Variants in QTMAN observed in about 807,000 individuals in gnomAD.
QTMAN encodes queuosine-tRNA mannosyltransferase.
chr2:144,152,229 A>C, the QTMAN span, among the ~76,000 whole-genome samples: 2 of 152,210 alleles, frequency 1.3e-5, no homozygotes, highest in Admixed American at 6.5e-5. Flanking sequence ...GAAGGTAGGG[A>C]ATCAAAGACT....
chr2:144,064,723 A>G, the QTMAN span, among the ~76,000 whole-genome samples: 6 of 152,246 alleles, frequency 3.9e-5, no homozygotes, highest in South Asian at 1.2e-3. Context: ...AAACAAAGTC[A>G]TATCATTTGA....
chr2:143,939,945 T>C, the QTMAN span: 5 of 152,376 alleles, frequency 3.3e-5, no homozygotes, highest in East Asian at 7.7e-4. Flanking sequence ...TTTCTCTTTC[T>C]TTCTGCTGTG....
chr2:144,168,836 T>C, the QTMAN span, among the ~76,000 whole-genome samples: 3 of 152,086 alleles, frequency 2.0e-5, no homozygotes, highest in African/African-American at 7.2e-5. Flanking sequence ...TTAACTCACA[T>C]GTGAAAGGAA....
chr2:144,192,314 C>T, the QTMAN span, among the ~76,000 whole-genome samples: 1 of 151,942 alleles, frequency 6.6e-6, no homozygotes, highest in Non-Finnish European at 1.5e-5. Context: ...GTCATGTTGG[C>T]CAGGCTGGTT....
At chr2:144,085,276 A>C in the QTMAN span, among the ~76,000 whole-genome samples, 1 of 152,194 alleles carries the variant, frequency 6.6e-6, no homozygotes, top group Non-Finnish European at 1.5e-5. Flanking sequence ...AGTTTTCCGA[A>C]CTCTGTCCTA....
the QTMAN span, among the ~76,000 whole-genome samples, chr2:144,320,246 T>C: frequency 6.6e-6 from 1 of 152,022 alleles, no homozygotes; most frequent in Non-Finnish European, 1.5e-5. Context: ...TGCAACAGAG[T>C]CCATAGGGTC....
chr2:144,059,077 TGC>T, the QTMAN span, among the ~76,000 whole-genome samples: 1 of 152,234 alleles, frequency 6.6e-6, no homozygotes, highest in South Asian at 2.1e-4. Context: ...GCCTCTTTAG[TGC>T]AGCAAGCATA....
the QTMAN span, among the ~76,000 whole-genome samples, chr2:143,960,748 T>A: frequency 6.6e-6 from 1 of 152,158 alleles, no homozygotes; most frequent in African/African-American, 2.4e-5. Flanking sequence ...GAATAAAAAG[T>A]GTTTTCAATA....
At chr2:144,092,236 C>A in the QTMAN span, among the ~76,000 whole-genome samples, 1 of 151,162 alleles carries the variant, frequency 6.6e-6, no homozygotes, top group African/African-American at 2.4e-5. Context: ...AGTGCAGTGG[C>A]ATGATCTCGG....
chr2:144,285,047 G>A, the QTMAN span, among the ~76,000 whole-genome samples: 1 of 150,618 alleles, frequency 6.6e-6, no homozygotes, highest in Non-Finnish European at 1.5e-5. Flanking sequence ...CAAGGCTGCA[G>A]TAAGCCATGA....
At chr2:144,112,700 AC>A in the QTMAN span, among the ~76,000 whole-genome samples, 3 of 152,006 alleles carry the variant, frequency 2.0e-5, no homozygotes, top group Admixed American at 2.0e-4. Flanking sequence ...GTATTTCTCC[AC>A]CCCCACCAGT....
the QTMAN span, among the ~76,000 whole-genome samples, chr2:144,288,525 T>C: frequency 3.3e-5 from 5 of 152,298 alleles, no homozygotes; most frequent in African/African-American, 1.2e-4. Context: ...AGCACACTGG[T>C]TCCAGGAGCA....
chr2:143,987,476 G>A, the QTMAN span, among the ~76,000 whole-genome samples: 34 of 152,284 alleles, frequency 2.2e-4, no homozygotes, highest in South Asian at 4.1e-3. Context: ...TCAGTGAAGC[G>A]TTGCCTGACT....
At chr2:143,968,739 G>C in the QTMAN span, among the ~76,000 whole-genome samples, 39 of 152,212 alleles carry the variant, frequency 2.6e-4, no homozygotes, top group Middle Eastern at 3.4e-3. Context: ...CAAATGAGCT[G>C]ATCTTTTCTT....
chr2:143,946,912 C>G, the QTMAN span: 3 of 615,332 alleles, frequency 4.9e-6, no homozygotes, highest in Admixed American at 3.0e-5. Flanking sequence ...GCAGATGGCT[C>G]TGTGTCAGCT....
chr2:144,223,677 CA>C, the QTMAN span, among the ~76,000 whole-genome samples: 1 of 152,094 alleles, frequency 6.6e-6, no homozygotes, highest in Non-Finnish European at 1.5e-5. Flanking sequence ...GAAAAATATC[CA>C]AGTGAAACTT....
chr2:144,213,665 C>T, the QTMAN span, among the ~76,000 whole-genome samples: 1 of 152,210 alleles, frequency 6.6e-6, no homozygotes, highest in African/African-American at 2.4e-5. Context: ...ATTGATTCCA[C>T]AGGCTAATCC....
the QTMAN span, among the ~76,000 whole-genome samples, chr2:144,076,925 C>T: frequency 3.1e-4 from 47 of 151,392 alleles, no homozygotes; most frequent in Admixed American, 4.6e-4. Context: ...TCAAGACCAA[C>T]CTGGGCAGCA....
At chr2:144,257,058 GA>G in the QTMAN span, among the ~76,000 whole-genome samples, 2 of 136,126 alleles carry the variant, frequency 1.5e-5, no homozygotes, top group Non-Finnish European at 3.1e-5. Context: ...AAGATGAGCA[GA>G]AGACAGTCTC....
Sources: allele counts gnomAD v4.1 joint callset (sites outside exome capture counted in the v4.1 genomes callset), GRCh38; gene constraint gnomAD v4.1.1; transcripts MANE v1.5; gene names NCBI Gene and HGNC (gene_info 2026-07-23, HGNC 2026-07-21).